MEIS2: variants seen among roughly 807,000 people sequenced by gnomAD.
MEIS2 encodes Meis homeobox 2.
Under a neutral mutation model 58.6 loss-of-function variants are expected in MEIS2, and 9 were observed. The ratio of observed to expected loss-of-function variants is 0.15; its 90% CI spans 0.09 to 0.27. The LOEUF is 0.27. MEIS2 is among the 10% of genes least tolerant of loss of function. MEIS2 has a pLI of 1.00. For synonymous variants in MEIS2, 221 were observed against 228.4 expected (o/e 0.97, Z 0.29); for missense variants, 427 against 635.0 (o/e 0.67, Z 3.52).
intron 7 of MEIS2, among the ~76,000 whole-genome samples, chr15:37,074,132 T>C (rs1316374164): frequency 1.3e-5 from 2 of 151,926 alleles, no homozygotes; most frequent in African/African-American, 2.4e-5. Flanking sequence ...ACTGAGTGAG[T>C]TCTAATTAGA....
At chr15:36,991,494 T>C (rs2060271861) in intron 8 of MEIS2, among the ~76,000 whole-genome samples, 1 of 152,166 alleles carries the variant, frequency 6.6e-6, no homozygotes, top group South Asian at 2.1e-4. Flanking sequence ...TGAGAGCTTA[T>C]TTCTCTCATG....
At chr15:36,900,681 C>T (rs2056422490) in intron 9 of MEIS2, among the ~76,000 whole-genome samples, 1 of 152,148 alleles carries the variant, frequency 6.6e-6, no homozygotes, top group South Asian at 2.1e-4. Flanking sequence ...AGCTATTTCC[C>T]AGAGACCTCT....
At chr15:36,898,198 T>C (rs2141229320) in intron 9 of MEIS2, 1 of 152,362 alleles carries the variant, frequency 6.6e-6, no homozygotes, top group East Asian at 1.9e-4. Context: ...TCACCTGAAA[T>C]GTTGCTGAGG....
intron 9 of MEIS2, among the ~76,000 whole-genome samples, chr15:36,923,342 T>C (rs982018979): frequency 1.3e-5 from 2 of 152,048 alleles, no homozygotes; most frequent in African/African-American, 2.4e-5. Context: ...TTTTTTTTTC[T>C]TTTTACTTTT....
At chr15:36,918,976 G>C (rs867923857) in intron 9 of MEIS2, among the ~76,000 whole-genome samples, 29 of 152,230 alleles carry the variant, frequency 1.9e-4, no homozygotes, top group African/African-American at 6.7e-4. Context: ...AAAGATTTTA[G>C]GCCAGGCACA....
intron 8 of MEIS2, among the ~76,000 whole-genome samples, chr15:37,014,323 C>T (rs2061267456): frequency 6.6e-6 from 1 of 152,112 alleles, no homozygotes; most frequent in Non-Finnish European, 1.5e-5. Flanking sequence ...GCTTCCAATC[C>T]TAAGTGTGGA....
chr15:36,918,261 A>G (rs927220653), intron 9 of MEIS2, among the ~76,000 whole-genome samples: 2 of 152,256 alleles, frequency 1.3e-5, no homozygotes, highest in African/African-American at 4.8e-5. Flanking sequence ...AATGAAGACT[A>G]TGCGATTTGG....
intron 7 of MEIS2, among the ~76,000 whole-genome samples, chr15:37,081,842 C>T (rs775446975): frequency 2.0e-5 from 3 of 152,166 alleles, no homozygotes; most frequent in Non-Finnish European, 4.4e-5. Context: ...GGTGCATCTA[C>T]CCACAGCACA....
intron 8 of MEIS2, among the ~76,000 whole-genome samples, chr15:37,032,184 C>G (rs1348290319): frequency 1.3e-5 from 2 of 152,118 alleles, no homozygotes; most frequent in African/African-American, 4.8e-5. Flanking sequence ...TGAGCTTTAT[C>G]CCTATGTTTT....
chr15:37,084,725 T>C lies in MEIS2; in HGVS notation c.640-840A>G, dbSNP rs142598220. 1.1e-3 allele frequency among the ~76,000 whole-genome samples: 174 copies of C among 152,298 alleles called. 2 individuals are homozygous for C. The highest frequency in any genetic ancestry group is 4.9e-3 in the Admixed American group (75 of 15,290). On this transcript the variant is annotated intron_variant, in intron 6 of 11. Coordinates refer to ENST00000561208, the MANE Select transcript of MEIS2 (RefSeq NM_170675.5). ...TTGGCTGAGTATATTCTTCTTCTGTTCCTCCTCCCTTTTCCTGATCATTCC... is the reference window on the plus strand; with the variant it reads ...TTGGCTGAGTATATTCTTCTTCTGTCCCTCCTCCCTTTTCCTGATCATTCC...
intron 6 of MEIS2, among the ~76,000 whole-genome samples, chr15:37,089,826 G>A (rs549274092): frequency 1.3e-5 from 2 of 152,146 alleles, no homozygotes; most frequent in African/African-American, 2.4e-5. Context: ...ATCTTTACAT[G>A]TAATATCTTT....
intron 11 of MEIS2, chr15:36,894,832 CAAG>C (rs1484998231): frequency 3.2e-6 from 5 of 1,570,076 alleles, no homozygotes; most frequent in Non-Finnish European, 4.4e-6. Flanking sequence ...AGATAAAATC[CAAG>C]AAGAGGCCGG....
chr15:36,984,143 T>A (rs965858055), intron 8 of MEIS2, among the ~76,000 whole-genome samples: 1 of 152,278 alleles, frequency 6.6e-6, no homozygotes, highest in African/African-American at 2.4e-5. Context: ...TATTTCTTTT[T>A]CTTGCCTAAT....
chr15:37,066,180 T>C (rs1163200996), intron 7 of MEIS2: 1 of 152,196 alleles, frequency 6.6e-6, no homozygotes, highest in African/African-American at 2.4e-5. Flanking sequence ...TTTCAAAGTG[T>C]AAATCACTGA....
chr15:37,083,905 G>A lies in MEIS2; in HGVS notation c.640-20C>T. 3 of 1,606,056 alleles carry A rather than the reference G, an allele frequency of 1.9e-6. No homozygotes were observed. Among genetic ancestry groups the A allele is most frequent in the Non-Finnish European group, 2.6e-6 (3 of 1,174,116 alleles). ...AGGGTTCTGATGTCAGGATACCAAG[G>A]AATTTTTCCACAGTTACCATTTCAG... On this transcript the variant is annotated intron_variant, in intron 6 of 11. Transcript: ENST00000561208.
chr15:37,041,682 G>A (rs142686185), intron 7 of MEIS2, among the ~76,000 whole-genome samples: 4 of 151,988 alleles, frequency 2.6e-5, no homozygotes, highest in Admixed American at 1.3e-4. Context: ...GAAGGACGTC[G>A]GCACACTATG....
chr15:37,041,292 G>C (rs2062413874), intron 7 of MEIS2, among the ~76,000 whole-genome samples: 1 of 152,178 alleles, frequency 6.6e-6, no homozygotes, highest in Non-Finnish European at 1.5e-5. Context: ...CTGCAGGTGG[G>C]TCTGATGCCC....
intron 9 of MEIS2, among the ~76,000 whole-genome samples, chr15:36,927,833 G>A (rs2057808609): frequency 6.6e-6 from 1 of 152,082 alleles, no homozygotes; most frequent in South Asian, 2.1e-4. Flanking sequence ...TTAGAAGCCT[G>A]TAATAGATCC....
Position 37,100,247 on chromosome 15 carries a change from C to A in MEIS2, c.-781G>T, listed in dbSNP as rs1894933758. On this transcript the variant is annotated 5_prime_UTR_variant, in exon 1 of 12. Transcript: ENST00000561208. The stretch of plus-strand genomic sequence containing the variant: ...CCTGGTAGGTATTTTGTCTCTCCCT[C>A]TCTCTCTTTCTCGCTCGCTCGCTCG... 1 of 152,558 alleles carries A rather than the reference C, an allele frequency of 6.6e-6. No individual in the cohort carries two copies. Among genetic ancestry groups the A allele is most frequent in the Admixed American group, 6.6e-5 (1 of 15,266 alleles). 9.5% of individuals were successfully genotyped at this position (152,558 alleles called of 1,614,324 possible). A position where few individuals can be genotyped will look rare whatever the true frequency, so the allele number is the denominator to read the frequency against.
Sources: allele counts gnomAD v4.1 joint callset (sites outside exome capture counted in the v4.1 genomes callset), GRCh38; gene constraint gnomAD v4.1.1; transcripts MANE v1.5; gene names NCBI Gene and HGNC (gene_info 2026-07-23, HGNC 2026-07-21).